Variants in GRIN2B observed in about 807,000 individuals in gnomAD.
GRIN2B encodes the protein glutamate ionotropic receptor NMDA type subunit 2B.
In GRIN2B, 5 loss-of-function variants were observed where a neutral mutation model predicts 114.5. That is an observed-to-expected ratio of 0.04 (90% CI 0.02 to 0.09). GRIN2B has a LOEUF of 0.09. GRIN2B is among the 10% of genes least tolerant of loss of function. The probability of loss-of-function intolerance (pLI) is 1.00; values close to 1 mark genes in which losing one functional copy is unlikely to be tolerated. For synonymous variants in GRIN2B, 787 were observed against 745.1 expected, an observed-to-expected ratio of 1.06 and a Z score of -0.92; for missense variants, 1,108 against 1,943.5, an observed-to-expected ratio of 0.57 and a Z score of 8.08.
At chr12:13,698,928 C>G (rs1476714492) in intron 4 of GRIN2B, among the ~76,000 whole-genome samples, 1 of 152,154 alleles carries the variant, frequency 6.6e-6, no homozygotes, top group African/African-American at 2.4e-5. Flanking sequence ...GGTGATCCAC[C>G]TGCCTCAGCC....
Position 13,969,315 on chromosome 12 carries a change from T to C in GRIN2B, c.-19+10613A>G, listed in dbSNP as rs567840389. ...GTTCCCCACATGCAACATAAACCTTTATCTTTTTTAACATGGAAGCAACTC... is the reference window on the plus strand; with the variant it reads ...GTTCCCCACATGCAACATAAACCTTCATCTTTTTTAACATGGAAGCAACTC... On this transcript the variant is annotated intron_variant, in intron 2 of 13. Coordinates refer to ENST00000609686, the MANE Select transcript of GRIN2B (RefSeq NM_000834.5). 3.9e-5 allele frequency among the ~76,000 whole-genome samples: 6 copies of C among 152,354 alleles called. No individual in the cohort carries two copies. The South Asian group carries it at 1.0e-3, about 26-fold the overall frequency.
At chr12:13,834,918 A>AT (rs1456600257) in intron 3 of GRIN2B, among the ~76,000 whole-genome samples, 1 of 152,126 alleles carries the variant, frequency 6.6e-6, no homozygotes, top group African/African-American at 2.4e-5. Context: ...AGGCATCTGT[A>AT]TTTTTTTAAA....
chr12:13,592,252 A>G (rs888149), intron 10 of GRIN2B, among the ~76,000 whole-genome samples: 100,518 of 152,046 alleles, frequency 0.66, 35,973 homozygotes, highest in East Asian at 0.83. Flanking sequence ...ATGAGGGTAG[A>G]AGAGAGCCAT....
intron 5 of GRIN2B, among the ~76,000 whole-genome samples, chr12:13,648,433 G>C (rs1329245457): frequency 6.6e-6 from 1 of 152,018 alleles, no homozygotes; most frequent in Non-Finnish European, 1.5e-5. Flanking sequence ...GAAGGGCACA[G>C]CTGGCACTGG....
rs957271972 is a variant in GRIN2B at position 13,660,813 on chromosome 12, G to A, written c.1125+14932C>T. Reference sequence around the variant, plus strand: ...TTATTGTCATTATTAACTTCCCTTCGCTTCTAGCCAGACTGTTCAAAGCCT... The same window carrying A: ...TTATTGTCATTATTAACTTCCCTTCACTTCTAGCCAGACTGTTCAAAGCCT... On this transcript the variant is annotated intron_variant, in intron 5 of 13. Transcript: ENST00000609686. Among the ~76,000 whole-genome samples, 7 of 151,996 alleles carry A rather than the reference G, an allele frequency of 4.6e-5. No individual in the cohort carries two copies. The East Asian group carries it at 7.7e-4, about 17-fold the overall frequency.
intron 3 of GRIN2B, among the ~76,000 whole-genome samples, chr12:13,838,962 G>A (rs1476870818): frequency 6.6e-6 from 1 of 152,132 alleles, no homozygotes; most frequent in African/African-American, 2.4e-5. Context: ...ACTCCACCAG[G>A]GAGCTCATCA....
At chr12:13,576,483 T>C (rs574809157) in intron 10 of GRIN2B, among the ~76,000 whole-genome samples, 2 of 152,174 alleles carry the variant, frequency 1.3e-5, no homozygotes, top group Non-Finnish European at 2.9e-5. Context: ...AGTAATTGAA[T>C]TAAAAAACTC....
chr12:13,977,062 G>C (rs542211635), intron 2 of GRIN2B, among the ~76,000 whole-genome samples: 12 of 152,320 alleles, frequency 7.9e-5, no homozygotes, highest in African/African-American at 2.9e-4. Flanking sequence ...GGTTCCTGCT[G>C]TTCATCCCTT....
At chr12:13,766,659 T>G (rs1278853415) in intron 3 of GRIN2B, among the ~76,000 whole-genome samples, 3 of 152,240 alleles carry the variant, frequency 2.0e-5, no homozygotes, top group Non-Finnish European at 2.9e-5. Flanking sequence ...GAAGATTAGA[T>G]TAATATGACA....
intron 3 of GRIN2B, among the ~76,000 whole-genome samples, chr12:13,810,110 C>T (rs1864697708): frequency 6.6e-6 from 1 of 152,144 alleles, no homozygotes; most frequent in Non-Finnish European, 1.5e-5. Context: ...ACCTTCCCTA[C>T]CATCCTGTTT....
intron 3 of GRIN2B, among the ~76,000 whole-genome samples, chr12:13,828,918 T>C (rs929918535): frequency 6.6e-6 from 1 of 152,216 alleles, no homozygotes; most frequent in Non-Finnish European, 1.5e-5. Context: ...AAGAAAGATA[T>C]ACATTATCTG....
intron 9 of GRIN2B, among the ~76,000 whole-genome samples, chr12:13,609,665 C>T (rs926542653): frequency 1.1e-4 from 16 of 151,678 alleles, no homozygotes; most frequent in Non-Finnish European, 1.5e-4. Context: ...CCCAGCTATT[C>T]GGGAGCCTGA....
intron 3 of GRIN2B, among the ~76,000 whole-genome samples, chr12:13,788,507 C>A (rs1864258621): frequency 6.6e-6 from 1 of 152,110 alleles, no homozygotes; most frequent in Admixed American, 6.5e-5. Flanking sequence ...CACAAGAGAG[C>A]CTTGGAAGTC....
At chr12:13,657,507 G>A (rs950267041) in intron 5 of GRIN2B, among the ~76,000 whole-genome samples, 1 of 152,224 alleles carries the variant, frequency 6.6e-6, no homozygotes, top group African/African-American at 2.4e-5. Context: ...GCCAACACAA[G>A]CAGGTGTTTG....
chr12:13,565,503 CA>C (rs1948627112), intron 13 of GRIN2B, among the ~76,000 whole-genome samples: 1 of 152,114 alleles, frequency 6.6e-6, no homozygotes, highest in African/African-American at 2.4e-5. Flanking sequence ...GCTCTTTGTA[CA>C]GGGCTTTGAA....
At chr12:13,826,836 T>C (rs1482545032) in intron 3 of GRIN2B, among the ~76,000 whole-genome samples, 1 of 152,136 alleles carries the variant, frequency 6.6e-6, no homozygotes, top group African/African-American at 2.4e-5. Flanking sequence ...TAAGTTTATA[T>C]CTGATACCAT....
In GRIN2B at chr12:13,753,354, G is replaced by A. The variant is rs773859531; in HGVS notation, c.973C>T (p.His325Tyr). The change falls in exon 4 of 14, where the codon CAC becomes TAC. Residue 325 changes from histidine to tyrosine, a missense_variant. Physicochemically the swap from His to Tyr is moderately conservative, Grantham distance 83 (BLOSUM62 2). Around this residue, in one of 19 missense-constraint regions of GRIN2B, gnomAD observed 199 missense variants for 439.6 expected, o/e 0.45. Coordinates refer to ENST00000609686, the MANE Select transcript of GRIN2B (RefSeq NM_000834.5). This position sits in a 1 kb window ranked among gnomAD's most constrained non-coding sequence, Gnocchi z 6.2. ...PEPKSSCYNT[H>Y]EKRIYQSNML... ...TTGGACTGGTAGATTCTCTTCTCGT[G>A]GGTGTTGTAACAACTGCTTTTGGGC... The A allele has an allele frequency of 1.2e-6, 2 of 1,609,376 alleles. No homozygotes were observed. The highest frequency in any genetic ancestry group is 1.7e-5 in the Admixed American group (1 of 60,000).
chr12:13,855,109 T>C (rs1306246417), intron 3 of GRIN2B, among the ~76,000 whole-genome samples: 1 of 145,576 alleles, frequency 6.9e-6, no homozygotes, highest in African/African-American at 2.6e-5. Flanking sequence ...TCCCAGCTAC[T>C]CAGGAGGCTG....
At chr12:13,935,431 T>C (rs1379058710) in intron 2 of GRIN2B, among the ~76,000 whole-genome samples, 2 of 152,332 alleles carry the variant, frequency 1.3e-5, no homozygotes, top group African/African-American at 2.4e-5. Context: ...ATTTTCTCCA[T>C]AGTAACAATA....
Sources: gnomAD v4.1 joint callset for allele counts (sites outside exome capture counted in the v4.1 genomes callset) on GRCh38, gnomAD v4.1.1 for gene constraint, gnomAD v4.1.1 regional missense constraint, Gnocchi (gnomAD v3.1) non-coding constraint, MANE v1.5 for transcripts, NCBI Gene and HGNC (gene_info 2026-07-23, HGNC 2026-07-21) for gene names.